CRIM1: variants seen among roughly 807,000 people sequenced by gnomAD.
CRIM1 encodes cysteine-rich motor neuron 1 protein.
CRIM1 carries 32 observed loss-of-function variants against 116.4 expected under a neutral mutation model. That is an observed-to-expected ratio of 0.27 (90% CI 0.21 to 0.37). The LOEUF (loss-of-function observed/expected upper bound fraction) is 0.37. Ranked by LOEUF, CRIM1 falls within the 10% of genes least tolerant of loss-of-function variation. CRIM1 has a pLI of 1.00. For synonymous variants in CRIM1, 590 were observed against 509.2 expected, an observed-to-expected ratio of 1.16 and a Z score of -2.13; for missense variants, 1,331 against 1,354.8, an observed-to-expected ratio of 0.98 and a Z score of 0.28.
intron 4 of CRIM1, among the ~76,000 whole-genome samples, chr2:36,460,863 A>C (rs1203058230): frequency 6.6e-6 from 1 of 152,196 alleles, no homozygotes; most frequent in African/African-American, 2.4e-5. Context: ...GGGGGTTCAG[A>C]GAAGAAGCTG....
chr2:36,525,268 C>T (rs1665679033), intron 13 of CRIM1, among the ~76,000 whole-genome samples: 1 of 152,172 alleles, frequency 6.6e-6, no homozygotes, highest in Non-Finnish European at 1.5e-5. Context: ...TCTTATCTAG[C>T]CCTGCTATAT....
At chr2:36,440,478 A>T (rs1166630575) in intron 2 of CRIM1, among the ~76,000 whole-genome samples, 1 of 152,180 alleles carries the variant, frequency 6.6e-6, no homozygotes, top group Non-Finnish European at 1.5e-5. Context: ...ACTCAACCCA[A>T]GAAGCTAAAC....
rs546442359 is a variant in CRIM1 at position 36,487,760 on chromosome 2, A to T, written c.1372+8066A>T. Among the ~76,000 whole-genome samples the T allele has an allele frequency of 1.4e-4, 22 of 152,300 alleles. 1 individual carries two copies. The South Asian group carries it at 3.3e-3, about 23-fold the overall frequency. Reference sequence around the variant, plus strand: ...GCCTCTAAAAGTGAGTACTTTTATCAATAACACTTATTTGTAAGTATAACT... The same window carrying T: ...GCCTCTAAAAGTGAGTACTTTTATCTATAACACTTATTTGTAAGTATAACT... On this transcript the variant is annotated intron_variant, in intron 7 of 16. Transcript: ENST00000280527.
chr2:36,360,970 CATT>C (rs1669188315), intron 1 of CRIM1, among the ~76,000 whole-genome samples: 2 of 152,050 alleles, frequency 1.3e-5, no homozygotes, highest in African/African-American at 4.8e-5. Context: ...GGGCCTATAA[CATT>C]ATGTTAACAG....
chr2:36,410,569 G>T (rs1673130102), intron 2 of CRIM1, among the ~76,000 whole-genome samples: 1 of 150,908 alleles, frequency 6.6e-6, no homozygotes, highest in Non-Finnish European at 1.5e-5. Flanking sequence ...TTTAAAATGT[G>T]TGCCCATGTT....
chr2:36,499,572 C>T (rs1680844655), intron 8 of CRIM1, among the ~76,000 whole-genome samples: 1 of 152,162 alleles, frequency 6.6e-6, no homozygotes, highest in South Asian at 2.1e-4. Context: ...TGGCCAGTTG[C>T]ATCAGGAGTG....
chr2:36,451,395 C>CTGGCAGCTTTAAATCCAAACTG (rs1676712356), intron 4 of CRIM1, among the ~76,000 whole-genome samples: 1 of 152,184 alleles, frequency 6.6e-6, no homozygotes, highest in Admixed American at 6.5e-5. Flanking sequence ...AAAAACCATA[C>CTGGCAGCTTTAAATCCAAACTG]AGTAATATGC....
At chr2:36,412,542 A>G in intron 2 of CRIM1, among the ~76,000 whole-genome samples, 1 of 152,134 alleles carries the variant, frequency 6.6e-6, no homozygotes, top group African/African-American at 2.4e-5. Context: ...TCATATACTG[A>G]CTTTGATGCT....
intron 2 of CRIM1, among the ~76,000 whole-genome samples, chr2:36,396,992 T>C (rs891409086): frequency 2.0e-5 from 3 of 152,038 alleles, no homozygotes; most frequent in Non-Finnish European, 4.4e-5. Flanking sequence ...GGTGCTGTGG[T>C]GGTGTGAGCA....
At chr2:36,495,215 G>A (rs1229033083) in intron 7 of CRIM1, among the ~76,000 whole-genome samples, 4 of 152,206 alleles carry the variant, frequency 2.6e-5, no homozygotes, top group African/African-American at 7.2e-5. Context: ...TGTATTCTCC[G>A]ACACACAGTT....
At chr2:36,378,521 A>T (rs557653184) in intron 1 of CRIM1, 3 of 385,128 alleles carry the variant, frequency 7.8e-6, no homozygotes, top group Non-Finnish European at 1.6e-5. Context: ...CTCTAACGTA[A>T]GGCGGTAAGT....
intron 13 of CRIM1, among the ~76,000 whole-genome samples, 161 bp from the exon 14 acceptor site, chr2:36,537,191 C>A (rs544458828): frequency 6.6e-6 from 1 of 152,154 alleles, no homozygotes; most frequent in Non-Finnish European, 1.5e-5. Flanking sequence ...TGAGGGTCCT[C>A]CTAAGGAAAT....
chr2:36,536,476 A>AT (rs1666563852), intron 13 of CRIM1, among the ~76,000 whole-genome samples: 1 of 151,954 alleles, frequency 6.6e-6, no homozygotes, highest in Non-Finnish European at 1.5e-5. Flanking sequence ...TCGTGCTCAC[A>AT]CCCCCGCCAC....
In CRIM1 at chr2:36,427,886, T is replaced by C. The variant is rs187748165; in HGVS notation, c.506-13372T>C. On this transcript the variant is annotated intron_variant, in intron 2 of 16. Transcript: ENST00000280527. The stretch of plus-strand genomic sequence containing the variant: ...GTGTCTCAGGGGGCGAGGCTCCGCC[T>C]GTGTGGCTGGGTAGCCTATCAGCAC... 9.8e-5 allele frequency among the ~76,000 whole-genome samples: 15 copies of C among 152,326 alleles called. 1 individual carries two copies. The East Asian group carries it at 2.9e-3, about 29-fold the overall frequency.
intron 4 of CRIM1, among the ~76,000 whole-genome samples, chr2:36,453,260 G>A (rs368882022): frequency 6.6e-6 from 1 of 152,134 alleles, no homozygotes; most frequent in Admixed American, 6.5e-5. Context: ...TCTTGGCCTT[G>A]GTCAGTCTGT....
intron 5 of CRIM1, among the ~76,000 whole-genome samples, chr2:36,475,769 T>G (rs1678925280): frequency 1.3e-5 from 2 of 152,212 alleles, no homozygotes; most frequent in South Asian, 4.1e-4. Flanking sequence ...TCCTAGTTGG[T>G]TGAGCATTTT....
intron 2 of CRIM1, among the ~76,000 whole-genome samples, chr2:36,433,222 C>T (rs1449103853): frequency 6.8e-6 from 1 of 147,034 alleles, no homozygotes; most frequent in South Asian, 2.2e-4. Flanking sequence ...TCTGCATTTC[C>T]AGCAAGCTCC....
chr2:36,442,699 G>A lies in CRIM1; in HGVS notation c.833G>A (p.Arg278Lys). The A allele has an allele frequency of 6.2e-7, 1 of 1,614,186 alleles. No homozygotes were observed. Among genetic ancestry groups the A allele is most frequent in the Non-Finnish European group, 8.5e-7 (1 of 1,180,022 alleles). Reference protein sequence around the residue: ...CPPDSYETQVRLTADGCCTLP... With the variant: ...CPPDSYETQVKLTADGCCTLP... ...CCGGACAGCTATGAAACTCAAGTCA[G>A]ACTAACTGCAGATGGTTGCTGTACT... is the stretch of plus-strand genomic sequence containing the variant. The change falls in exon 4 of 17, where the codon AGA becomes AAA. Residue 278 changes from arginine (R) to lysine (K), a missense_variant. Coordinates refer to ENST00000280527, the MANE Select transcript of CRIM1 (RefSeq NM_016441.3).
chr2:36,388,492 A>T (rs1671337484), intron 1 of CRIM1, among the ~76,000 whole-genome samples: 1 of 152,214 alleles, frequency 6.6e-6, no homozygotes, highest in Non-Finnish European at 1.5e-5. Context: ...ACAAGGATAA[A>T]GTCTAAAGGG....
Sources: gnomAD v4.1 joint callset for allele counts (sites outside exome capture counted in the v4.1 genomes callset) on GRCh38, gnomAD v4.1.1 for gene constraint, MANE v1.5 for transcripts, NCBI Gene and HGNC (gene_info 2026-07-23, HGNC 2026-07-21) for gene names.